PSD3: variants seen among roughly 807,000 people sequenced by gnomAD.
PSD3 encodes the protein PH and SEC7 domain-containing protein 3.
PSD3 carries 49 observed loss-of-function variants against 105.5 expected under a neutral mutation model. That is an observed-to-expected ratio of 0.46 (90% CI 0.37 to 0.59). The LOEUF (loss-of-function observed/expected upper bound fraction) is 0.59. Ranked by LOEUF, PSD3 falls within the 20% of genes least tolerant of loss-of-function variation. The probability of loss-of-function intolerance (pLI) is 0.00; values close to 1 mark genes in which losing one functional copy is unlikely to be tolerated. For synonymous variants in PSD3, 557 were observed against 457.8 expected (o/e 1.22, Z -2.77); for missense variants, 1,561 against 1,263.8 (o/e 1.24, Z -3.57).
chr8:19,004,814 T>C (rs1381660238), intron 1 of PSD3, among the ~76,000 whole-genome samples: 1 of 151,946 alleles, frequency 6.6e-6, no homozygotes, highest in Non-Finnish European at 1.5e-5. Context: ...TTGTAATAAG[T>C]CTCAAGAGAT....
chr8:18,933,025 T>TA (rs1821842132), intron 2 of PSD3, among the ~76,000 whole-genome samples: 1 of 152,232 alleles, frequency 6.6e-6, no homozygotes, highest in Non-Finnish European at 1.5e-5. Flanking sequence ...AACTTATGAG[T>TA]AAGAACCATG....
chr8:18,577,890 C>G (rs1802559721), intron 12 of PSD3, among the ~76,000 whole-genome samples: 1 of 151,788 alleles, frequency 6.6e-6, no homozygotes, highest in Non-Finnish European at 1.5e-5. Context: ...CCATCTTGAC[C>G]TCTCTCCTCT....
At chr8:18,728,732 G>T (rs991281671) in intron 9 of PSD3, among the ~76,000 whole-genome samples, 1 of 152,080 alleles carries the variant, frequency 6.6e-6, no homozygotes, top group African/African-American at 2.4e-5. Context: ...TAATTAGCTC[G>T]ATTTAGCCAT....
rs193153308 is a variant in PSD3 at position 18,916,288 on chromosome 8, A to T, written c.130+19746T>A. ...TGTCTATGGATTGCTGAATGGATTT[A>T]AAAAAAGTGATATATATATATATAT... On this transcript the variant is annotated intron_variant, in intron 2 of 15. Transcript: ENST00000327040. Among the ~76,000 whole-genome samples the T allele has an allele frequency of 9.8e-3, 1,174 of 119,848 alleles. 12 individuals carry two copies. The highest frequency in any genetic ancestry group is 0.017 in the Middle Eastern group (4 of 242). The allele number at this position is 119,848 out of a possible 152,430, so 78.6% of individuals were successfully genotyped here. A position where few individuals can be genotyped will look rare whatever the true frequency, so the allele number is the denominator to read the frequency against.
rs190370643 is a variant in PSD3, at chr8:18,831,971, T to C, written c.1635-27073A>G. Among the ~76,000 whole-genome samples, 551 of 152,274 alleles carry C rather than the reference T, an allele frequency of 3.6e-3. 1 individual carries two copies. The highest frequency in any genetic ancestry group is 4.4e-3 in the Non-Finnish European group (302 of 68,020). On this transcript the variant is annotated intron_variant, in intron 4 of 15. Transcript: ENST00000327040. Reference sequence around the variant, plus strand: ...CTTGAGAAAAGTTGAAACAATGTCTTTGTATTAACTTCTGAAAACATTTTC... The same window carrying C: ...CTTGAGAAAAGTTGAAACAATGTCTCTGTATTAACTTCTGAAAACATTTTC...
intron 9 of PSD3, among the ~76,000 whole-genome samples, chr8:18,734,980 G>C (rs1804040520): frequency 1.3e-5 from 2 of 152,126 alleles, no homozygotes; most frequent in African/African-American, 4.8e-5. Flanking sequence ...TCACATCAAA[G>C]ACTGTGCCCT....
chr8:18,657,304 C>A (rs1371575895), intron 9 of PSD3, among the ~76,000 whole-genome samples: 2 of 152,138 alleles, frequency 1.3e-5, no homozygotes, highest in African/African-American at 2.4e-5. Flanking sequence ...AAATTCAGTA[C>A]AAATTTATTT....
intron 1 of PSD3, among the ~76,000 whole-genome samples, chr8:18,982,093 G>A (rs1278478599): frequency 6.6e-6 from 1 of 152,142 alleles, no homozygotes; most frequent in Admixed American, 6.6e-5. Context: ...TAAGTTTATG[G>A]AATATTCTAA....
chr8:18,860,494 A>T (rs1816357957), intron 4 of PSD3, among the ~76,000 whole-genome samples: 1 of 152,126 alleles, frequency 6.6e-6, no homozygotes, highest in Admixed American at 6.5e-5. Flanking sequence ...AAGAGCAATA[A>T]AGCTAAGTGC....
intron 8 of PSD3, among the ~76,000 whole-genome samples, chr8:18,777,368 A>C (rs983472768): frequency 1.3e-5 from 2 of 152,122 alleles, no homozygotes; most frequent in Non-Finnish European, 2.9e-5. Context: ...AAAAAACCCA[A>C]CTTTTCATTT....
intron 2 of PSD3, among the ~76,000 whole-genome samples, chr8:18,896,766 C>T (rs1203489124): frequency 6.6e-6 from 1 of 151,574 alleles, no homozygotes; most frequent in African/African-American, 2.4e-5. Flanking sequence ...AAGAGTTTCC[C>T]TTTTCTCTTA....
chr8:18,828,258 A>G (rs1242501189), intron 4 of PSD3, among the ~76,000 whole-genome samples: 1 of 151,708 alleles, frequency 6.6e-6, no homozygotes, highest in African/African-American at 2.4e-5. Flanking sequence ...TCCTAAGCCA[A>G]CTATAGAAAG....
At chr8:18,580,547 G>C (rs1411413009) in intron 12 of PSD3, among the ~76,000 whole-genome samples, 2 of 151,906 alleles carry the variant, frequency 1.3e-5, no homozygotes, top group African/African-American at 4.8e-5. Flanking sequence ...GAGAATCTGT[G>C]TCAAAAAACA....
At chr8:18,914,335 T>G (rs1381035121) in intron 2 of PSD3, among the ~76,000 whole-genome samples, 1 of 152,148 alleles carries the variant, frequency 6.6e-6, no homozygotes, top group Non-Finnish European at 1.5e-5. Flanking sequence ...CTCTCACCAC[T>G]TCTGTCAGCA....
chr8:18,572,531 A>G lies in PSD3; in HGVS notation c.2781T>C (p.Ser927=). ...AAAGCACTATCAAGATGATTACCTG[A>G]GACAGTTTTGTTGTAGTGGCAGGCA... The part of the protein sequence containing the change: ...PLLPATTTKL[S]QEEQLKSHES... Residue 927 remains serine, a synonymous_variant, in exon 14 of 16, where the codon TCT becomes TCC. Transcript: ENST00000327040. 1 of 1,613,720 alleles carries G rather than the reference A, an allele frequency of 6.2e-7. No homozygotes were observed.
At chr8:18,689,045 G>A (rs745864719) in intron 9 of PSD3, among the ~76,000 whole-genome samples, 19 of 152,222 alleles carry the variant, frequency 1.2e-4, no homozygotes, top group African/African-American at 3.1e-4. Context: ...TAAGGACACC[G>A]TTTGGTAGAT....
chr8:18,955,800 A>G (rs11987670), intron 1 of PSD3, among the ~76,000 whole-genome samples: 132,783 of 151,902 alleles, frequency 0.87, 58,103 homozygotes, highest in South Asian at 0.94. Context: ...ACGGAGTCTC[A>G]TTCTGTTGCC....
intron 12 of PSD3, among the ~76,000 whole-genome samples, chr8:18,592,827 C>A (rs1313832968): frequency 6.6e-6 from 1 of 152,172 alleles, no homozygotes; most frequent in African/African-American, 2.4e-5. Context: ...CACCCATCTA[C>A]AACTATCTGA....
intron 10 of PSD3, among the ~76,000 whole-genome samples, chr8:18,634,762 G>C (rs774917176): frequency 6.6e-6 from 1 of 152,132 alleles, no homozygotes; most frequent in Non-Finnish European, 1.5e-5. Context: ...TATAGGTGAT[G>C]CATCTTTCTC....
Sources: gnomAD v4.1 joint callset for allele counts (sites outside exome capture counted in the v4.1 genomes callset) on GRCh38, gnomAD v4.1.1 for gene constraint, MANE v1.5 for transcripts, NCBI Gene and HGNC (gene_info 2026-07-23, HGNC 2026-07-21) for gene names.